Variants in GRIP1 observed in about 807,000 individuals in gnomAD.
GRIP1 encodes the protein glutamate receptor interacting protein 1, also known as glutamate receptor-interacting protein 1.
GRIP1 carries 45 observed loss-of-function variants against 129.9 expected under a neutral mutation model. The observed-to-expected ratio is 0.35, with a 90% CI of 0.27 to 0.44. The LOEUF is 0.44. Among genes scored for constraint, GRIP1 ranks in the 20% least tolerant of loss-of-function variants. The probability of loss-of-function intolerance (pLI) is 1.00; values close to 1 mark genes in which losing one functional copy is unlikely to be tolerated. For missense variants in GRIP1, 1,196 were observed against 1,396.8 expected (o/e 0.86, Z 2.29); for synonymous variants, 530 against 520.8 (o/e 1.02, Z -0.24).
At chr12:66,756,610 G>A (rs1227843776) in intron 1 of GRIP1, among the ~76,000 whole-genome samples, 1 of 152,204 alleles carries the variant, frequency 6.6e-6, no homozygotes, top group Non-Finnish European at 1.5e-5. Context: ...GGTGGTAGGA[G>A]TGATAATGAA....
At chr12:66,523,501 G>T (rs1435040469) in intron 5 of GRIP1, among the ~76,000 whole-genome samples, 1 of 151,172 alleles carries the variant, frequency 6.6e-6, no homozygotes, top group Non-Finnish European at 1.5e-5. Flanking sequence ...TCACCACCAG[G>T]CCTGCCCTAA....
chr12:66,583,159 G>T (rs1359832256), intron 2 of GRIP1, among the ~76,000 whole-genome samples: 1 of 151,540 alleles, frequency 6.6e-6, no homozygotes, highest in Non-Finnish European at 1.5e-5. Context: ...AATGGCGAAA[G>T]GATTCCCTAT....
rs71069009 is a variant in GRIP1 at position 66,531,252 on chromosome 12, AATATATATATATAT to A, written c.419-1352_419-1339del. Among the ~76,000 whole-genome samples the A allele has an allele frequency of 1.2e-3, 23 of 19,462 alleles. 2 individuals carry two copies. Among genetic ancestry groups the A allele is most frequent in the East Asian group, 3.6e-3 (2 of 548 alleles). 12.8% of individuals were successfully genotyped at this position (19,462 alleles called of 152,430 possible). On this transcript the variant is annotated intron_variant, in intron 4 of 24. Coordinates refer to ENST00000359742, the MANE Select transcript of GRIP1 (RefSeq NM_001366722.1). ...CTCTGTCTCAAAAAAAAAAAAAAAA[AATATATATATATAT>A]ATATATATATATATATATATATATA...
intron 1 of GRIP1, among the ~76,000 whole-genome samples, chr12:66,813,536 TG>T (rs1391938856): frequency 1.3e-5 from 2 of 152,124 alleles, no homozygotes; most frequent in Non-Finnish European, 2.9e-5. Context: ...GAAGTGACTC[TG>T]GGGGCTATAT....
chr12:66,488,075 T>C (rs138853463), intron 7 of GRIP1, among the ~76,000 whole-genome samples: 7 of 152,186 alleles, frequency 4.6e-5, no homozygotes, highest in South Asian at 2.1e-4. Flanking sequence ...ATCATTGAGA[T>C]AGAAAATTAG....
At chr12:66,656,769 G>A (rs1197569777) in intron 1 of GRIP1, among the ~76,000 whole-genome samples, 1 of 152,158 alleles carries the variant, frequency 6.6e-6, no homozygotes, top group Non-Finnish European at 1.5e-5. Context: ...AATATTAAAT[G>A]CCTGGCTCTT....
chr12:66,941,258 G>A (rs1434480983), intron 1 of GRIP1, among the ~76,000 whole-genome samples: 1 of 152,108 alleles, frequency 6.6e-6, no homozygotes, highest in Non-Finnish European at 1.5e-5. Context: ...AGCCTAGACT[G>A]TAACCCAAAT....
At chr12:66,471,384 T>G (rs548978483) in intron 7 of GRIP1, among the ~76,000 whole-genome samples, 1 of 152,266 alleles carries the variant, frequency 6.6e-6, no homozygotes, top group South Asian at 2.1e-4. Flanking sequence ...CCAGGGTTGC[T>G]GGGGAGGGAA....
At chr12:66,418,665 A>G (rs2057695911) in intron 15 of GRIP1, among the ~76,000 whole-genome samples, 1 of 152,198 alleles carries the variant, frequency 6.6e-6, no homozygotes, top group Admixed American at 6.5e-5. Context: ...AAGAAGACAT[A>G]CAAATGTCTA....
chr12:66,719,186 G>A (rs986598313), intron 1 of GRIP1, among the ~76,000 whole-genome samples: 2 of 152,120 alleles, frequency 1.3e-5, no homozygotes, highest in Non-Finnish European at 2.9e-5. Context: ...TCATAGTTCT[G>A]TTTCTCAACT....
At chr12:66,461,404 A>C (rs991170005) in intron 9 of GRIP1, among the ~76,000 whole-genome samples, 1 of 152,196 alleles carries the variant, frequency 6.6e-6, no homozygotes, top group Non-Finnish European at 1.5e-5. Context: ...GATTAATTTA[A>C]AGAAACTTAA....
At chr12:66,964,083 C>T (rs904452870) in intron 1 of GRIP1, among the ~76,000 whole-genome samples, 2 of 152,086 alleles carry the variant, frequency 1.3e-5, no homozygotes, top group Non-Finnish European at 2.9e-5. Flanking sequence ...TCAACTTCAG[C>T]GGGACTATTG....
At chr12:66,921,780 TC>T (rs1444976432) in intron 1 of GRIP1, among the ~76,000 whole-genome samples, 1 of 152,172 alleles carries the variant, frequency 6.6e-6, no homozygotes, top group Non-Finnish European at 1.5e-5. Flanking sequence ...GATTGAAGAA[TC>T]AGTTCTATAG....
chr12:66,528,358 C>T (rs1018170419), intron 5 of GRIP1, among the ~76,000 whole-genome samples: 2 of 151,980 alleles, frequency 1.3e-5, no homozygotes, highest in African/African-American at 2.4e-5. Context: ...AGGATGGTCT[C>T]GATCTCCTGA....
At chr12:66,446,107 A>T (rs1316571326) in intron 11 of GRIP1, among the ~76,000 whole-genome samples, 1 of 62,386 alleles carries the variant, frequency 1.6e-5, no homozygotes, top group Non-Finnish European at 3.2e-5. Flanking sequence ...GCCCCCCACC[A>T]CCACCCCAGA....
rs202107143 is a variant in GRIP1, at chr12:66,458,287, C to T, written c.1043-1945G>A. 9.2e-5 allele frequency among the ~76,000 whole-genome samples: 14 copies of T among 152,344 alleles called. No homozygotes were observed. The East Asian group carries it at 2.5e-3, about 27-fold the overall frequency. The stretch of plus-strand genomic sequence containing the variant: ...GCCACTGTAACACCTTCAGACATGG[C>T]TTCCCAACTCATCTCCTGCATACCT... On this transcript the variant is annotated intron_variant, in intron 9 of 24. Transcript: ENST00000359742.
chr12:66,565,201 G>A (rs1403339162), intron 2 of GRIP1, among the ~76,000 whole-genome samples: 1 of 152,146 alleles, frequency 6.6e-6, no homozygotes, highest in East Asian at 1.9e-4. Flanking sequence ...CCTTGCCCAT[G>A]CCTATGGCCT....
chr12:66,956,014 C>G (rs1180218193), intron 1 of GRIP1, among the ~76,000 whole-genome samples: 1 of 152,168 alleles, frequency 6.6e-6, no homozygotes, highest in Non-Finnish European at 1.5e-5. Context: ...GCAGATAATA[C>G]AAAGAGTTTC....
intron 19 of GRIP1, among the ~76,000 whole-genome samples, chr12:66,391,287 A>G (rs542524773): frequency 6.6e-6 from 1 of 152,378 alleles, no homozygotes; most frequent in East Asian, 1.9e-4. Flanking sequence ...GAATTTACAT[A>G]GAACATGAGA....
Sources: allele counts gnomAD v4.1 joint callset (sites outside exome capture counted in the v4.1 genomes callset), GRCh38; gene constraint gnomAD v4.1.1; transcripts MANE v1.5; gene names NCBI Gene and HGNC (gene_info 2026-07-23, HGNC 2026-07-21).